PP2D1: variants seen among roughly 807,000 people sequenced by gnomAD.
The protein encoded by PP2D1 is protein phosphatase 2C-like domain-containing protein 1.
Under a neutral mutation model 30.2 loss-of-function variants are expected in PP2D1, and 25 were observed. The observed-to-expected ratio is 0.83, with a 90% CI of 0.60 to 1.16. The LOEUF is 1.16. Among genes scored for constraint, PP2D1 ranks in the 50% most tolerant of loss-of-function variants. The pLI, the probability that PP2D1 is intolerant of heterozygous loss-of-function variation, is 0.00. For synonymous variants in PP2D1, 260 were observed against 258.9 expected (o/e 1.00, Z -0.04); for missense variants, 760 against 742.4 (o/e 1.02, Z -0.28).
chr3:19,998,615 A>T (rs1278082095), intron 2 of PP2D1, among the ~76,000 whole-genome samples: 1 of 152,202 alleles, frequency 6.6e-6, no homozygotes, highest in African/African-American at 2.4e-5. Flanking sequence ...AACATTTTTA[A>T]AAAGAATGTG....
At chr3:20,004,252 C>A (rs1230324544) in intron 1 of PP2D1, among the ~76,000 whole-genome samples, 7 of 152,322 alleles carry the variant, frequency 4.6e-5, no homozygotes, top group Admixed American at 4.6e-4. Flanking sequence ...CAGTAACGCA[C>A]TGTACAGGTT....
At chr3:19,996,847 G>A (rs542421966) in intron 2 of PP2D1, 2 of 152,168 alleles carry the variant, frequency 1.3e-5, no homozygotes, top group East Asian at 3.9e-4. Flanking sequence ...GTTTAGCCAC[G>A]TTGTGATTAT....
At chr3:19,983,782 G>A (rs771833104), downstream of PP2D1, 70 of 1,611,938 alleles carry the variant, frequency 4.3e-5, no homozygotes, top group Non-Finnish European at 5.5e-5. Context: ...AGACCTTACC[G>A]AACCCACACA....
At chr3:20,003,404 G>A (rs1575088166) in intron 1 of PP2D1, among the ~76,000 whole-genome samples, 1 of 150,790 alleles carries the variant, frequency 6.6e-6, no homozygotes, top group African/African-American at 2.4e-5. Flanking sequence ...TTAAAAAAAA[G>A]GTTAAAAAGT....
Position 19,991,646 on chromosome 3 carries a change from A to G in PP2D1, c.1091-5464T>C, listed in dbSNP as rs148258542. 4.7e-4 allele frequency among the ~76,000 whole-genome samples: 71 copies of G among 152,290 alleles called. No individual in the cohort carries two copies. The South Asian group carries it at 6.8e-3, about 15-fold the overall frequency. The stretch of plus-strand genomic sequence containing the variant: ...AGACTTTAACCCCAAACTTTTGTCT[A>G]TGTGGCCTTCATTAGGTCACTTTAT... On this transcript the variant is annotated intron_variant, in intron 2 of 2. Transcript: ENST00000389050.
chr3:20,001,118 T>A lies in PP2D1; in HGVS notation c.1002A>T (p.Arg334Ser), dbSNP rs1697244874. Residue 334 changes from arginine (R) to serine (S), a missense_variant, in exon 2 of 3, where the codon AGA (arginine) becomes AGT (serine). Arg to Ser is a moderately radical substitution (Grantham distance 110). This residue lies in a region of PP2D1 where 374 missense variants were observed against 388.8 expected (regional missense o/e 0.96). Coordinates refer to ENST00000389050, the MANE Select transcript of PP2D1 (RefSeq NM_001252657.2). ...KSPYAHKNWK[R>S]KNTHDGLAES... is the part of the protein sequence containing the mutation. ...CTGCCAACCCATCATGGGTATTTTT[T>A]CTTTTCCAATTCTTATGAGCATAAG... The A allele has an allele frequency of 2.8e-6, 4 of 1,429,748 alleles. No homozygotes were observed. Among genetic ancestry groups the A allele is most frequent in the Non-Finnish European group, 3.7e-6 (4 of 1,094,758 alleles). 88.6% of individuals were successfully genotyped at this position (1,429,748 alleles called of 1,614,324 possible).
chr3:20,003,811 A>C (rs1697284904), intron 1 of PP2D1, among the ~76,000 whole-genome samples: 1 of 152,060 alleles, frequency 6.6e-6, no homozygotes, highest in African/African-American at 2.4e-5. Flanking sequence ...AAAATTAAAA[A>C]CAGAAAAAAG....
chr3:19,984,317 C>T (rs1696991280), downstream of PP2D1: 2 of 415,044 alleles, frequency 4.8e-6, no homozygotes, highest in Non-Finnish European at 9.4e-6. Context: ...AATGTACATT[C>T]CACATTTTAA....
At chr3:19,983,905 G>A (rs1193214157), downstream of PP2D1, 1 of 899,362 alleles carries the variant, frequency 1.1e-6, no homozygotes, top group South Asian at 1.6e-5. Flanking sequence ...AACCAGCCCA[G>A]TATGACTTCC....
Position 19,985,644 on chromosome 3 carries a change from A to G in PP2D1, c.1629T>C (p.Cys543=). 1 of 1,536,008 alleles carries G rather than the reference A, an allele frequency of 6.5e-7. No homozygotes were observed. The highest frequency in any genetic ancestry group is 1.7e-4 in the Middle Eastern group (1 of 5,990). ...NLSDSNYSKY[C]IYNPENVETF... ...TTTCTACATTCTCAGGGTTATAAATACAGTATTTAGAATAGTTTGAATCGG... is the reference window on the plus strand; with the variant it reads ...TTTCTACATTCTCAGGGTTATAAATGCAGTATTTAGAATAGTTTGAATCGG... Residue 543 remains cysteine, a synonymous_variant, in exon 3 of 3, where the codon TGT becomes TGC. Coordinates refer to ENST00000389050, the MANE Select transcript of PP2D1 (RefSeq NM_001252657.2).
At chr3:19,982,728 C>T (rs1398110199), downstream of PP2D1, among the ~76,000 whole-genome samples, 2 of 148,412 alleles carry the variant, frequency 1.3e-5, no homozygotes, top group Non-Finnish European at 3.0e-5. Flanking sequence ...TACCACTGCA[C>T]TTAATCCTGG....
rs1172917411 is a variant in PP2D1, at chr3:20,012,093, C to A, written c.-21G>T. ...CTCATGTTCCTTTGGAATTACCTTT[C>A]TTTGCCCTCCCTTTATCCCCTTCCC... On this transcript the variant is annotated 5_prime_UTR_variant, in exon 1 of 3. Coordinates refer to ENST00000389050, the MANE Select transcript of PP2D1 (RefSeq NM_001252657.2). 4.6e-6 allele frequency: 7 copies of A among 1,527,336 alleles called. No individual in the cohort carries two copies. In the East Asian group the frequency reaches 1.7e-4, roughly 38 times the overall value. 94.6% of individuals were successfully genotyped at this position (1,527,336 alleles called of 1,614,324 possible). A position where few individuals can be genotyped will look rare whatever the true frequency, so the allele number is the denominator to read the frequency against.
intron 2 of PP2D1, among the ~76,000 whole-genome samples, chr3:19,997,576 A>C (rs954865881): frequency 2.0e-5 from 3 of 152,212 alleles, no homozygotes; most frequent in Non-Finnish European, 2.9e-5. Flanking sequence ...CGTTTTATGC[A>C]GCACTATTCA....
intron 1 of PP2D1, among the ~76,000 whole-genome samples, chr3:20,009,967 T>A (rs1375115634): frequency 6.6e-6 from 1 of 152,200 alleles, no homozygotes; most frequent in Admixed American, 6.6e-5. Context: ...TTTTTTTCCT[T>A]TTTTAATGGA....
chr3:19,984,890 AC>A (rs1697003485), downstream of PP2D1: 1 of 153,540 alleles, frequency 6.5e-6, no homozygotes, highest in African/African-American at 2.4e-5. Flanking sequence ...TAAACAATGT[AC>A]CCGTAATTTG....
At chr3:19,995,304 A>C (rs1697167558) in intron 2 of PP2D1, among the ~76,000 whole-genome samples, 1 of 152,202 alleles carries the variant, frequency 6.6e-6, no homozygotes, top group African/African-American at 2.4e-5. Flanking sequence ...TTCCAATGAG[A>C]AATGTCTTTG....
chr3:19,988,892 A>G (rs971552349), intron 2 of PP2D1, among the ~76,000 whole-genome samples: 1 of 152,176 alleles, frequency 6.6e-6, no homozygotes, highest in African/African-American at 2.4e-5. Context: ...AGGCTGAGGC[A>G]CAAGAACTGC....
downstream of PP2D1, chr3:19,984,107 A>C (rs1386438617): frequency 2.7e-5 from 11 of 410,542 alleles, no homozygotes; most frequent in African/African-American, 6.3e-5. Context: ...GAATATAGAC[A>C]AATGACTGTC....
intron 2 of PP2D1, among the ~76,000 whole-genome samples, chr3:19,986,447 C>T (rs1159408816): frequency 6.6e-6 from 1 of 152,146 alleles, no homozygotes; most frequent in African/African-American, 2.4e-5. Context: ...ACAGATAATG[C>T]AAAGTAACTT....
Sources: gnomAD v4.1 joint callset for allele counts (sites outside exome capture counted in the v4.1 genomes callset) on GRCh38, gnomAD v4.1.1 for gene constraint, gnomAD v4.1.1 regional missense constraint, MANE v1.5 for transcripts, NCBI Gene and HGNC (gene_info 2026-07-23, HGNC 2026-07-21) for gene names.